CACNA1G: variants seen among roughly 807,000 people sequenced by gnomAD.
The protein encoded by CACNA1G is calcium voltage-gated channel subunit alpha1 G, also known as voltage-dependent T-type calcium channel subunit alpha-1G.
A neutral mutation model predicts 219.4 loss-of-function variants in CACNA1G; 67 were observed. The observed-to-expected ratio is 0.31, with a 90% CI of 0.25 to 0.37. The LOEUF is 0.37. CACNA1G is among the 10% of genes least tolerant of loss of function. CACNA1G has a pLI of 1.00. For synonymous variants in CACNA1G, 1,296 were observed against 1,345.3 expected (o/e 0.96, Z 0.80); for missense variants, 2,380 against 3,231.4 (o/e 0.74, Z 6.39).
At chr17:50,589,878 G>C (rs1159028880) in intron 9 of CACNA1G, among the ~76,000 whole-genome samples, 1 of 150,612 alleles carries the variant, frequency 6.6e-6, no homozygotes, top group African/African-American at 2.5e-5. Flanking sequence ...GTGTGTGACT[G>C]GGAATGCGTG....
chr17:50,582,040 A>G (rs751946063), intron 9 of CACNA1G, among the ~76,000 whole-genome samples: 4 of 152,248 alleles, frequency 2.6e-5, no homozygotes, highest in Non-Finnish European at 5.9e-5. Flanking sequence ...AGACGTGGAC[A>G]ATTGGTTCTC....
rs2043121189 is a variant in CACNA1G at position 50,587,009 on chromosome 17, C to T, written c.2302-3462C>T. On this transcript the variant is annotated intron_variant, in intron 9 of 37. Coordinates refer to ENST00000359106, the MANE Select transcript of CACNA1G (RefSeq NM_018896.5). Reference sequence around the variant, plus strand: ...CCTGGCCTCATTTCACCGAAACCTCCACTGGGCCTTGACATCTGTGAACAG... The same window carrying T: ...CCTGGCCTCATTTCACCGAAACCTCTACTGGGCCTTGACATCTGTGAACAG... Among the ~76,000 whole-genome samples the T allele has an allele frequency of 2.0e-5, 3 of 152,184 alleles. No individual in the cohort carries two copies. The South Asian group carries it at 6.2e-4, about 32-fold the overall frequency.
intron 16 of CACNA1G, among the ~76,000 whole-genome samples, chr17:50,597,605 A>G (rs1013379393): frequency 6.6e-6 from 1 of 152,274 alleles, no homozygotes; most frequent in African/African-American, 2.4e-5. Context: ...TAGCATATGC[A>G]TCACTTCACA....
rs1489180763 is a variant in CACNA1G, at chr17:50,561,207, G to A, written c.-253G>A. ...TGAGGGGGAGCCGGCCGGCTGGCCCGGGAAGCCCCAGGGGCGCAGGGGAAG... is the reference window on the plus strand; with the variant it reads ...TGAGGGGGAGCCGGCCGGCTGGCCCAGGAAGCCCCAGGGGCGCAGGGGAAG... On this transcript the variant is annotated 5_prime_UTR_variant, in exon 1 of 38. Coordinates refer to ENST00000359106, the MANE Select transcript of CACNA1G (RefSeq NM_018896.5). 18 of 574,914 alleles carry A rather than the reference G, an allele frequency of 3.1e-5. No individual in the cohort carries two copies. Among genetic ancestry groups the A allele is most frequent in the Non-Finnish European group, 5.6e-5 (18 of 319,282 alleles). The allele number at this position is 574,914 out of a possible 1,614,324, so 35.6% of individuals were successfully genotyped here.
intron 9 of CACNA1G, among the ~76,000 whole-genome samples, chr17:50,580,224 C>T (rs2041651409): frequency 6.6e-6 from 1 of 152,194 alleles, no homozygotes; most frequent in African/African-American, 2.4e-5. Context: ...ACTCTGCCAG[C>T]CTCCCAGGGA....
chr17:50,591,665 TG>T (rs746566421), intron 11 of CACNA1G, 45 bp downstream of exon 11: 3 of 1,608,078 alleles, frequency 1.9e-6, no homozygotes, highest in African/African-American at 2.7e-5. Context: ...CCGGCCAGGC[TG>T]GGGGCAGGAG....
chr17:50,604,384 C>T, intron 22 of CACNA1G, 103 bp downstream of exon 22: 1 of 1,414,372 alleles, frequency 7.1e-7, no homozygotes, highest in South Asian at 1.3e-5. Flanking sequence ...TGCCTTCATT[C>T]CAGAAAGGAA....
At chr17:50,583,806 A>T (rs2042452170) in intron 9 of CACNA1G, among the ~76,000 whole-genome samples, 1 of 152,158 alleles carries the variant, frequency 6.6e-6, no homozygotes. Flanking sequence ...GTGTCTGAGC[A>T]GTGATTGATG....
At chr17:50,623,652 T>C (rs1037035294) in intron 35 of CACNA1G, among the ~76,000 whole-genome samples, 4 of 151,404 alleles carry the variant, frequency 2.6e-5, no homozygotes, top group Non-Finnish European at 5.9e-5. Context: ...TTGCAGGGGG[T>C]GGGGGGCAGG....
intron 9 of CACNA1G, among the ~76,000 whole-genome samples, chr17:50,582,706 G>T (rs1307833014): frequency 6.6e-6 from 1 of 151,978 alleles, no homozygotes; most frequent in Admixed American, 6.5e-5. Context: ...CTGGCTCTGG[G>T]TCATGGTGGG....
intron 1 of CACNA1G, among the ~76,000 whole-genome samples, chr17:50,567,352 GA>G (rs1026082533): frequency 1.3e-5 from 2 of 152,162 alleles, no homozygotes; most frequent in African/African-American, 4.8e-5. Context: ...GTCTAGGGGA[GA>G]AGGGCCTGGG....
At chr17:50,622,166 T>TCCCCCCCCCTCCCCCCCCCCCCCCCCCCC (rs1598808735) in intron 35 of CACNA1G, among the ~76,000 whole-genome samples, 2 of 132,920 alleles carry the variant, frequency 1.5e-5, no homozygotes, top group Non-Finnish European at 3.2e-5. Flanking sequence ...CTGTGCCTGT[T>TCCCCCCCCCTCCCCCCCCCCCCCCCCCCC]CCCCTCCTCC....
intron 26 of CACNA1G, among the ~76,000 whole-genome samples, chr17:50,611,468 G>A (rs978171117): frequency 6.6e-6 from 1 of 152,124 alleles, no homozygotes; most frequent in African/African-American, 2.4e-5. Context: ...CCCCCATTGA[G>A]TAGGTCATCC....
At position 50,626,398 on chromosome 17, in the gene CACNA1G, T is replaced by C. The variant is rs1334178456; in HGVS notation, c.6781T>C (p.Trp2261Arg). The C allele has an allele frequency of 6.2e-7, 1 of 1,611,576 alleles. No individual in the cohort carries two copies. The highest frequency in any genetic ancestry group is 1.1e-5 in the South Asian group (1 of 90,918). The change falls in exon 38 of 38, where the codon TGG becomes CGG. Residue 2261 changes from tryptophan to arginine, a missense_variant. This residue lies in a region of CACNA1G where 672 missense variants were observed against 670.5 expected (regional missense o/e 1.00). Coordinates refer to ENST00000359106, the MANE Select transcript of CACNA1G (RefSeq NM_018896.5). This position sits in a 1 kb window ranked among gnomAD's most constrained non-coding sequence, Gnocchi z 4.3. ...AQSCQRRPTS[W>R]LDEQRRHSIA... ...GAGCTGCCAGCGCCGGCCTACGTCC[T>C]GGCTGGATGAGCAGAGGAGACACTC...
In CACNA1G at chr17:50,626,649, G is replaced by T. The variant is rs1367374872; in HGVS notation, c.7032G>T (p.Leu2344Phe). 14 of 1,612,532 alleles carry T rather than the reference G, an allele frequency of 8.7e-6. No homozygotes were observed. The highest frequency in any genetic ancestry group is 1.3e-5 in the African/African-American group (1 of 74,626). Reference protein sequence around the residue: ...RAPSSDSKDPLASGPPDSMAA... With the variant: ...RAPSSDSKDPFASGPPDSMAA... ...CGTCCAGCGACTCCAAGGATCCCTT[G>T]GCCTCTGGCCCCCCTGACAGCATGG... Residue 2344 changes from leucine to phenylalanine, a missense_variant, in exon 38 of 38, where the codon TTG becomes TTT. By Grantham distance (22) the Leu-to-Phe change is conservative. Around this residue, in one of 17 missense-constraint regions of CACNA1G, gnomAD observed 672 missense variants for 670.5 expected, o/e 1.00. Coordinates refer to ENST00000359106, the MANE Select transcript of CACNA1G (RefSeq NM_018896.5). This position sits in a 1 kb window ranked among gnomAD's most constrained non-coding sequence, Gnocchi z 4.3.
At chr17:50,608,506 T>C (rs575263788) in intron 25 of CACNA1G, among the ~76,000 whole-genome samples, 17 of 148,140 alleles carry the variant, frequency 1.1e-4, no homozygotes, top group African/African-American at 4.0e-4. Context: ...TCCCTATCTC[T>C]AACAAAACTT....
At chr17:50,589,564 A>C (rs1003333703) in intron 9 of CACNA1G, among the ~76,000 whole-genome samples, 3 of 152,010 alleles carry the variant, frequency 2.0e-5, no homozygotes, top group Admixed American at 2.0e-4. Context: ...TCATATTGAA[A>C]GCGAGGTCAC....
intron 13 of CACNA1G, among the ~76,000 whole-genome samples, chr17:50,594,750 T>C (rs1460875764): frequency 6.6e-6 from 1 of 152,186 alleles, no homozygotes; most frequent in African/African-American, 2.4e-5. Flanking sequence ...GGACCTGCCC[T>C]TGTCCCCATC....
intron 26 of CACNA1G, among the ~76,000 whole-genome samples, chr17:50,610,888 C>T (rs934354297): frequency 7.9e-5 from 12 of 152,148 alleles, no homozygotes; most frequent in African/African-American, 2.7e-4. Context: ...AAGACCATTT[C>T]GTCATTAAAT....
Sources: allele counts gnomAD v4.1 joint callset (sites outside exome capture counted in the v4.1 genomes callset), GRCh38; gene constraint gnomAD v4.1.1; regional missense constraint gnomAD v4.1.1; non-coding constraint Gnocchi (gnomAD v3.1); transcripts MANE v1.5; gene names NCBI Gene and HGNC (gene_info 2026-07-23, HGNC 2026-07-21).